SLCO3A1: variants seen among roughly 807,000 people sequenced by gnomAD.
SLCO3A1 encodes PGE1 transporter.
A neutral mutation model predicts 63.1 loss-of-function variants in SLCO3A1; 27 were observed. The observed-to-expected ratio is 0.43, with a 90% CI of 0.32 to 0.59. The LOEUF is 0.59. SLCO3A1 is among the 20% of genes least tolerant of loss of function. The pLI, the probability that SLCO3A1 is intolerant of heterozygous loss-of-function variation, is 0.09. For synonymous variants in SLCO3A1, 473 were observed against 409.9 expected (o/e 1.15, Z -1.86); for missense variants, 773 against 945.8 (o/e 0.82, Z 2.40).
At chr15:91,908,826 C>G (rs954087062) in intron 1 of SLCO3A1, 2 of 151,184 alleles carry the variant, frequency 1.3e-5, no homozygotes, top group African/African-American at 4.9e-5. Flanking sequence ...TTTGGGAGGC[C>G]GAGGTGGGCG....
At chr15:92,068,648 A>G (rs904647700) in intron 2 of SLCO3A1, among the ~76,000 whole-genome samples, 23 of 152,350 alleles carry the variant, frequency 1.5e-4, no homozygotes, top group Non-Finnish European at 2.9e-4. Context: ...CAGAGGCCTC[A>G]TACTAAAGCA....
At chr15:91,980,575 T>C (rs2045972642) in intron 2 of SLCO3A1, among the ~76,000 whole-genome samples, 1 of 151,980 alleles carries the variant, frequency 6.6e-6, no homozygotes, top group Admixed American at 6.6e-5. Flanking sequence ...TAAACATAAC[T>C]CCTCGACTAT....
At chr15:92,003,695 TC>T (rs2046281360) in intron 2 of SLCO3A1, among the ~76,000 whole-genome samples, 1 of 152,204 alleles carries the variant, frequency 6.6e-6, no homozygotes, top group South Asian at 2.1e-4. Flanking sequence ...TGAAGGGCTT[TC>T]GTGAGTGATA....
chr15:91,920,489 GTCC>G (rs1898807135), intron 2 of SLCO3A1, among the ~76,000 whole-genome samples: 1 of 152,144 alleles, frequency 6.6e-6, no homozygotes, highest in Non-Finnish European at 1.5e-5. Context: ...GAGGAAGGTG[GTCC>G]TAGCTAACGG....
intron 1 of SLCO3A1, among the ~76,000 whole-genome samples, chr15:91,857,262 T>G (rs868313874): frequency 2.3e-4 from 35 of 152,164 alleles, no homozygotes; most frequent in African/African-American, 8.0e-4. Context: ...AGAAAGACAC[T>G]GATCCTGAAA....
chr15:92,028,705 T>A (rs1414785939), intron 2 of SLCO3A1, among the ~76,000 whole-genome samples: 6 of 152,308 alleles, frequency 3.9e-5, no homozygotes, highest in African/African-American at 1.2e-4. Flanking sequence ...TAGATTTTGT[T>A]CCACAATAAA....
intron 2 of SLCO3A1, among the ~76,000 whole-genome samples, chr15:92,048,100 A>T (rs928086873): frequency 5.3e-5 from 8 of 152,070 alleles, no homozygotes; most frequent in Non-Finnish European, 1.2e-4. Context: ...CTCCATAGGA[A>T]CTGCTTCTCT....
chr15:91,916,144 G>T lies in SLCO3A1; in HGVS notation c.332G>T (p.Cys111Phe), dbSNP rs1378566659. The T allele has an allele frequency of 3.1e-6, 5 of 1,608,778 alleles. No homozygotes were observed. Among genetic ancestry groups the T allele is most frequent in the Non-Finnish European group, 3.4e-6 (4 of 1,178,940 alleles). Residue 111 changes from cysteine (C) to phenylalanine (F), a missense_variant, in exon 2 of 10, where the codon TGC becomes TTC. Physicochemically the swap from Cys to Phe is radical, Grantham distance 205. This residue lies in a region of SLCO3A1 where 565 missense variants were observed against 749.8 expected (regional missense o/e 0.75). Coordinates refer to ENST00000318445, the MANE Select transcript of SLCO3A1 (RefSeq NM_013272.4). This position sits in a 1 kb window ranked among gnomAD's most constrained non-coding sequence, Gnocchi z 6.2. ...GGGCACCGGCCGCGCCTGATCGGCT[G>T]CGGCGGCATCGTCATGGCGCTGGGC... ...ARGHRPRLIG[C>F]GGIVMALGAL...
chr15:91,902,444 CA>C (rs1898183843), intron 1 of SLCO3A1, among the ~76,000 whole-genome samples: 2 of 151,812 alleles, frequency 1.3e-5, no homozygotes, highest in Non-Finnish European at 2.9e-5. Context: ...TTTAGTTTGC[CA>C]GTCTTTTGCT....
intron 2 of SLCO3A1, among the ~76,000 whole-genome samples, chr15:92,034,924 G>A (rs1040181384): frequency 3.3e-5 from 5 of 151,902 alleles, no homozygotes; most frequent in Non-Finnish European, 5.9e-5. Flanking sequence ...AGTGATCTAC[G>A]TCTACCCCCT....
chr15:91,905,213 C>T (rs1898264874), intron 1 of SLCO3A1, among the ~76,000 whole-genome samples: 1 of 152,172 alleles, frequency 6.6e-6, no homozygotes, highest in Non-Finnish European at 1.5e-5. Flanking sequence ...AACTAGTTCC[C>T]AGGAGAAGCA....
chr15:91,866,574 T>TAAA (rs1567162722), intron 1 of SLCO3A1, among the ~76,000 whole-genome samples: 1 of 144,646 alleles, frequency 6.9e-6, no homozygotes, highest in Non-Finnish European at 1.5e-5. Flanking sequence ...GCTCCTTTTT[T>TAAA]TAAAAAAAAA....
Position 91,938,482 on chromosome 15 carries a change from G to GTTTT in SLCO3A1, c.646+22036_646+22039dup, listed in dbSNP as rs71156621. Among the ~76,000 whole-genome samples the GTTTT allele has an allele frequency of 6.8e-4, 93 of 136,238 alleles. 1 individual carries two copies. Among genetic ancestry groups the GTTTT allele is most frequent in the African/African-American group, 2.3e-3 (86 of 36,856 alleles). The allele number at this position is 136,238 out of a possible 152,430, so 89.4% of individuals were successfully genotyped here. A position where few individuals can be genotyped will look rare whatever the true frequency, so the allele number is the denominator to read the frequency against. Reference sequence around the variant, plus strand: ...AATACTCTAAACATTGGTTTTTTTTGTTTTTTTTTTTTTTTGGTATCTAGG... The same window carrying GTTTT: ...AATACTCTAAACATTGGTTTTTTTTGTTTTTTTTTTTTTTTTTTTGGTATCTAGG... On this transcript the variant is annotated intron_variant, in intron 2 of 9. Transcript: ENST00000318445.
chr15:92,139,312 C>A (rs2151579188), intron 7 of SLCO3A1, among the ~76,000 whole-genome samples: 1 of 148,412 alleles, frequency 6.7e-6, no homozygotes, highest in African/African-American at 2.5e-5. Flanking sequence ...AGCCTTGCAT[C>A]CCAGGGATGA....
intron 2 of SLCO3A1, among the ~76,000 whole-genome samples, chr15:91,979,004 C>T (rs1901228464): frequency 6.6e-6 from 1 of 152,200 alleles, no homozygotes; most frequent in Non-Finnish European, 1.5e-5. Context: ...TTGCCATTCT[C>T]AATTCTCTTC....
At chr15:92,087,479 A>G (rs2047419297) in intron 2 of SLCO3A1, among the ~76,000 whole-genome samples, 1 of 151,996 alleles carries the variant, frequency 6.6e-6, no homozygotes, top group South Asian at 2.1e-4. Context: ...TACATTCCAC[A>G]AACACAAAAT....
intron 7 of SLCO3A1, among the ~76,000 whole-genome samples, chr15:92,142,303 C>T (rs2048144611): frequency 6.6e-6 from 1 of 152,196 alleles, no homozygotes; most frequent in African/African-American, 2.4e-5. Context: ...AAGTGCATGG[C>T]TTATAAACAA....
intron 2 of SLCO3A1, among the ~76,000 whole-genome samples, chr15:91,926,718 C>A (rs1899045134): frequency 6.6e-6 from 1 of 152,122 alleles, no homozygotes; most frequent in Non-Finnish European, 1.5e-5. Context: ...CGCTCAGATT[C>A]AAGAATCTGG....
intron 2 of SLCO3A1, among the ~76,000 whole-genome samples, chr15:92,089,971 T>C (rs1053888680): frequency 6.6e-6 from 1 of 152,162 alleles, no homozygotes; most frequent in Non-Finnish European, 1.5e-5. Context: ...TCATACTGCT[T>C]AGTAAGTGTT....
Sources: allele counts gnomAD v4.1 joint callset (sites outside exome capture counted in the v4.1 genomes callset), GRCh38; gene constraint gnomAD v4.1.1; regional missense constraint gnomAD v4.1.1; non-coding constraint Gnocchi (gnomAD v3.1); transcripts MANE v1.5; gene names NCBI Gene and HGNC (gene_info 2026-07-23, HGNC 2026-07-21).